The following UMPS variants were observed in gnomAD, a reference collection of about 807,000 sequenced individuals.
The protein encoded by UMPS is uridine monophosphate synthetase, also known as uridine 5'-monophosphate synthase.
Under a neutral mutation model 38.9 loss-of-function variants are expected in UMPS, and 21 were observed. That is an observed-to-expected ratio of 0.54 (90% confidence interval 0.38 to 0.78). UMPS has a LOEUF of 0.78. Among genes scored for constraint, UMPS ranks in the 30% least tolerant of loss-of-function variants. UMPS has a pLI of 0.00. For synonymous variants in UMPS, 208 were observed against 219.3 expected (o/e 0.95, Z 0.45); for missense variants, 533 against 591.6 (o/e 0.90, Z 1.03).
Position 124,743,926 on chromosome 3 carries a change from G to C in UMPS, c.1285G>C (p.Gly429Arg), listed in dbSNP as rs121917891. Residue 429 changes from glycine (G) to arginine (R), a missense_variant, in exon 6 of 6, where the codon GGC becomes CGC. By Grantham distance (125) the Gly-to-Arg change is moderately radical. Transcript: ENST00000232607. ...VQLEAGGDNL[G>R]QQYNSPQEVI... ...TGTGTTTCTTGCAGGAGATAATCTTGGCCAACAGTACAATAGCCCACAAGA... is the reference window on the plus strand; with the variant it reads ...TGTGTTTCTTGCAGGAGATAATCTTCGCCAACAGTACAATAGCCCACAAGA... 2.1e-5 allele frequency: 34 copies of C among 1,614,062 alleles called. No homozygotes were observed. In the East Asian group the frequency reaches 7.1e-4, roughly 34 times the overall value.
In UMPS at chr3:124,730,619, C is replaced by G. The variant is rs764681146; in HGVS notation, c.148C>G (p.Leu50Val). Residue 50 changes from leucine to valine, a missense_variant, in exon 1 of 6, where the codon CTG (leucine) becomes GTG (valine). Physicochemically the swap from Leu to Val is conservative, Grantham distance 32 (BLOSUM62 1). Coordinates refer to ENST00000232607, the MANE Select transcript of UMPS (RefSeq NM_000373.4). ...LRGIVSRPRL[L>V]SQVADILFQT... ...GGGCATCGTGTCTCGACCGCGTCTT[C>G]TGAGTCAGGTGCTGGCCTAGGAAGG... is the stretch of plus-strand genomic sequence containing the variant. The G allele has an allele frequency of 6.2e-7, 1 of 1,611,540 alleles. No individual in the cohort carries two copies. Among genetic ancestry groups the G allele is most frequent in the South Asian group, 1.1e-5 (1 of 91,012 alleles).
chr3:124,748,705 A>G lies in UMPS; in HGVS notation c.*4621A>G, dbSNP rs2063621951. On this transcript the variant is annotated 3_prime_UTR_variant, in exon 6 of 6. Coordinates refer to ENST00000232607, the MANE Select transcript of UMPS (RefSeq NM_000373.4). Reference sequence around the variant, plus strand: ...AGAGGAGGTCTGTGTCATGTTTTTCAGCGCTGGGGTTGGGGGGAGCCCAGG... The same window carrying G: ...AGAGGAGGTCTGTGTCATGTTTTTCGGCGCTGGGGTTGGGGGGAGCCCAGG... The G allele has an allele frequency of 6.7e-6, 3 of 451,072 alleles. No individual in the cohort carries two copies. Among genetic ancestry groups the G allele is most frequent in the Admixed American group, 4.7e-5 (2 of 42,200 alleles). The allele number at this position is 451,072 out of a possible 1,614,324, so 27.9% of individuals were successfully genotyped here.
chr3:124,743,806 A>T (rs1006464981), intron 5 of UMPS, 109 bp from the exon 6 acceptor site: 1 of 1,388,646 alleles, frequency 7.2e-7, no homozygotes, highest in South Asian at 1.2e-5. Context: ...GAACGAAAGT[A>T]GGGGCATGTT....
In UMPS at chr3:124,745,997, G is replaced by T. The variant is rs1415862855; in HGVS notation, c.*1913G>T. On this transcript the variant is annotated 3_prime_UTR_variant, in exon 6 of 6. Transcript: ENST00000232607. ...GCTTGAGAATTTGCGTTTCCAAAAA[G>T]GTCCCAGGTGATGCTGCGGTTGCCT... 1 of 454,126 alleles carries T rather than the reference G, an allele frequency of 2.2e-6. No homozygotes were observed. The highest frequency in any genetic ancestry group is 4.4e-6 in the Non-Finnish European group (1 of 226,798). The allele number at this position is 454,126 out of a possible 1,614,324, so 28.1% of individuals were successfully genotyped here.
At chr3:124,732,967 G>GGTGTGT (rs61383415) in intron 1 of UMPS, among the ~76,000 whole-genome samples, 18,303 of 147,610 alleles carry the variant, frequency 0.12, 1,425 homozygotes, top group African/African-American at 0.2. Flanking sequence ...ACTAGATCAT[G>GGTGTGT]GTGTGTGTGT....
intron 1 of UMPS, chr3:124,732,544 G>C (rs1343453362): frequency 6.5e-6 from 1 of 154,788 alleles, no homozygotes; most frequent in Non-Finnish European, 1.5e-5. Flanking sequence ...ACACTGAGTA[G>C]AGGGCCGTAA....
In UMPS at chr3:124,737,935, C is replaced by T. The variant is rs2150896866; in HGVS notation, c.678C>T (p.Ser226=). The part of the protein sequence containing the change: ...LSIKEAPKEL[S]FGARAELPRI... ...TAAAGGAAGCACCCAAAGAACTCAGCTTCGGTGCACGTGCAGAGCTGCCCA... is the reference window on the plus strand; with the variant it reads ...TAAAGGAAGCACCCAAAGAACTCAGTTTCGGTGCACGTGCAGAGCTGCCCA... The change falls in exon 3 of 6, where the codon AGC becomes AGT. Residue 226 remains serine, a synonymous_variant. Coordinates refer to ENST00000232607, the MANE Select transcript of UMPS (RefSeq NM_000373.4). 6.2e-7 allele frequency: 1 copy of T among 1,614,186 alleles called. No individual in the cohort carries two copies. The highest frequency in any genetic ancestry group is 8.5e-7 in the Non-Finnish European group (1 of 1,180,026).
intron 2 of UMPS, 60 bp downstream of exon 2, chr3:124,735,306 A>T (rs898045173): frequency 2.0e-6 from 3 of 1,506,526 alleles, no homozygotes; most frequent in Non-Finnish European, 1.8e-6. Context: ...TACTCTTAGA[A>T]TTTTTCCGCT....
At position 124,745,271 on chromosome 3, in the gene UMPS, G is replaced by C. The variant is rs2063587590; in HGVS notation, c.*1187G>C. The C allele has an allele frequency of 2.2e-6, 1 of 453,962 alleles. No individual in the cohort carries two copies. The highest frequency in any genetic ancestry group is 2.0e-5 in the African/African-American group (1 of 49,982). 28.1% of individuals were successfully genotyped at this position (453,962 alleles called of 1,614,324 possible). A position where few individuals can be genotyped will look rare whatever the true frequency, so the allele number is the denominator to read the frequency against. On this transcript the variant is annotated 3_prime_UTR_variant, in exon 6 of 6. Transcript: ENST00000232607. Reference sequence around the variant, plus strand: ...AGCACACTCACATTCCTTCTCATTTGGGGCCCACCTGCAGGAAGTGGCACA... The same window carrying C: ...AGCACACTCACATTCCTTCTCATTTCGGGCCCACCTGCAGGAAGTGGCACA...
At position 124,740,158 on chromosome 3, in the gene UMPS, T is replaced by G. The variant is rs541686805; in HGVS notation, c.1117T>G (p.Ser373Ala). ...GTGCCTCCTTATTGCGGAAATGAGC[T>G]CCACCGGCTCCCTGGCCACTGGGGA... ...RGCLLIAEMS[S>A]TGSLATGDYT... is the part of the protein sequence containing the mutation. Residue 373 changes from serine to alanine, a missense_variant, in exon 4 of 6, where the codon TCC becomes GCC. Coordinates refer to ENST00000232607, the MANE Select transcript of UMPS (RefSeq NM_000373.4). 6.2e-6 allele frequency: 10 copies of G among 1,613,426 alleles called. No individual in the cohort carries two copies. Among genetic ancestry groups the G allele is most frequent in the Non-Finnish European group, 8.5e-6 (10 of 1,179,948 alleles).
rs2063603600 is a variant in UMPS, at chr3:124,746,790, T to TGTGTGTG, written c.*2707_*2713dup. 1 of 379,310 alleles carries TGTGTGTG rather than the reference T, an allele frequency of 2.6e-6. No homozygotes were observed. The highest frequency in any genetic ancestry group is 5.2e-6 in the Non-Finnish European group (1 of 191,558). The allele number at this position is 379,310 out of a possible 1,614,324, so 23.5% of individuals were successfully genotyped here. On this transcript the variant is annotated 3_prime_UTR_variant, in exon 6 of 6. Transcript: ENST00000232607. ...GTGTGTGTGTGTGTGTGTGTGTGTGTGTGTGTGCATGCGCGCGCGTGCGCA... is the reference window on the plus strand; with the variant it reads ...GTGTGTGTGTGTGTGTGTGTGTGTGTGTGTGTGGTGTGTGCATGCGCGCGCGTGCGCA...
rs760163155 is a variant in UMPS, at chr3:124,748,057, A to C, written c.*3973A>C. On this transcript the variant is annotated 3_prime_UTR_variant, in exon 6 of 6. Transcript: ENST00000232607. ...AGAAAAATCAGGACTTGTTGGAGTT[A>C]TATTTTTAAAATATATATTTTAACA... The C allele has an allele frequency of 1.2e-5, 5 of 408,508 alleles. No homozygotes were observed. In the East Asian group the frequency reaches 2.9e-4, roughly 24 times the overall value. 25.3% of individuals were successfully genotyped at this position (408,508 alleles called of 1,614,324 possible).
rs1288434203 is a variant in UMPS, at chr3:124,744,869, ATGGGC to A, written c.*789_*793del. 2.2e-6 allele frequency: 1 copy of A among 454,126 alleles called. No homozygotes were observed. The highest frequency in any genetic ancestry group is 1.6e-5 in the South Asian group (1 of 64,474). 28.1% of individuals were successfully genotyped at this position (454,126 alleles called of 1,614,324 possible). A position where few individuals can be genotyped will look rare whatever the true frequency, so the allele number is the denominator to read the frequency against. On this transcript the variant is annotated 3_prime_UTR_variant, in exon 6 of 6. Transcript: ENST00000232607. ...TAAAAGTGATAGTCCAGGTATCCAC[ATGGGC>A]TGGTTCCCAGAACTGCCATTGCTCA...
intron 2 of UMPS, 73 bp from the exon 3 acceptor site, chr3:124,737,495 A>T (rs978241835): frequency 7.1e-7 from 1 of 1,403,626 alleles, no homozygotes; most frequent in Non-Finnish European, 1.0e-6. Flanking sequence ...TTGTATACAG[A>T]GTGTGTGTAC....
intron 1 of UMPS, among the ~76,000 whole-genome samples, chr3:124,731,983 A>G (rs183492103): frequency 2.0e-5 from 3 of 148,798 alleles, no homozygotes; most frequent in African/African-American, 7.4e-5. Flanking sequence ...TTTTTTTTGT[A>G]GAGAGGAGGT....
rs1301896551 is a variant in UMPS at position 124,748,556 on chromosome 3, A to G, written c.*4472A>G. The G allele has an allele frequency of 8.8e-6, 4 of 453,984 alleles. No individual in the cohort carries two copies. The highest frequency in any genetic ancestry group is 2.0e-5 in the African/African-American group (1 of 50,004). The allele number at this position is 453,984 out of a possible 1,614,324, so 28.1% of individuals were successfully genotyped here. ...ACCAAGGGGGAAAGTCTTCCTCTAG[A>G]CAAGAGGCAGAGGGCTCCTCAGAGT... On this transcript the variant is annotated 3_prime_UTR_variant, in exon 6 of 6. Transcript: ENST00000232607.
At chr3:124,743,445 G>A (rs1051099515) in intron 5 of UMPS, among the ~76,000 whole-genome samples, 4 of 151,508 alleles carry the variant, frequency 2.6e-5, no homozygotes, top group Admixed American at 6.6e-5. Flanking sequence ...AGACCATCCT[G>A]GCTAACACGG....
chr3:124,737,478 G>C (rs1256392324), intron 2 of UMPS, 90 bp from the exon 3 acceptor site: 3 of 1,261,308 alleles, frequency 2.4e-6, no homozygotes, highest in Non-Finnish European at 3.5e-6. Flanking sequence ...TGTGTAACTG[G>C]CAAGTTTTGT....
intron 3 of UMPS, 87 bp from the exon 4 acceptor site, chr3:124,739,937 A>G: frequency 1.6e-6 from 2 of 1,273,086 alleles, no homozygotes; most frequent in Admixed American, 3.5e-5. Flanking sequence ...CTGGGAGATT[A>G]TTTCATATTG....
Sources: gnomAD v4.1 joint callset for allele counts (sites outside exome capture counted in the v4.1 genomes callset) on GRCh38, gnomAD v4.1.1 for gene constraint, MANE v1.5 for transcripts, NCBI Gene and HGNC (gene_info 2026-07-23, HGNC 2026-07-21) for gene names.